Variants in FBXO34 observed in about 807,000 individuals in gnomAD.
The protein encoded by FBXO34 is F-box protein 34.
Under a neutral mutation model 24.5 loss-of-function variants are expected in FBXO34, and 12 were observed. The ratio of observed to expected loss-of-function variants is 0.49; its 90% confidence interval spans 0.31 to 0.79. The LOEUF is 0.79. Among genes scored for constraint, FBXO34 ranks in the 30% least tolerant of loss-of-function variants. FBXO34 has a pLI of 0.04. For missense variants in FBXO34, 823 were observed against 857.7 expected, an observed-to-expected ratio of 0.96 and a Z score of 0.51; for synonymous variants, 320 against 311.9, an observed-to-expected ratio of 1.03 and a Z score of -0.27.
downstream of FBXO34, among the ~76,000 whole-genome samples, chr14:55,362,556 T>C (rs966014849): frequency 2.6e-5 from 4 of 152,094 alleles, no homozygotes; most frequent in African/African-American, 9.7e-5. Flanking sequence ...AAAAAGAATG[T>C]AAAATGTCTC....
chr14:55,408,865 C>A, the FBXO34 span, among the ~76,000 whole-genome samples: 1 of 152,188 alleles, frequency 6.6e-6, no homozygotes, highest in Admixed American at 6.5e-5. Flanking sequence ...TTAAACTCAA[C>A]CTTAGAGTCT....
At chr14:55,298,986 A>G (rs1882244554) in intron 1 of FBXO34, 1 of 1,607,450 alleles carries the variant, frequency 6.2e-7, no homozygotes. Flanking sequence ...GGACATCGAT[A>G]AAGTTGATGA....
chr14:55,351,677 A>G lies in FBXO34; in HGVS notation c.1287A>G (p.Thr429=), dbSNP rs61753283. The change falls in exon 2 of 2, where the codon ACA becomes ACG. Residue 429 remains threonine (T), a synonymous_variant. Transcript: ENST00000313833. ...HTYSQASELP[T]DAVDCMSREL... ...ATTCCCAAGCCTCTGAATTGCCCACAGATGCTGTTGATTGTATGAGCAGAG... is the reference window on the plus strand; with the variant it reads ...ATTCCCAAGCCTCTGAATTGCCCACGGATGCTGTTGATTGTATGAGCAGAG... 1.7e-5 allele frequency: 28 copies of G among 1,614,074 alleles called. No individual in the cohort carries two copies. Among genetic ancestry groups the G allele is most frequent in the Admixed American group, 1.2e-4 (7 of 60,002 alleles).
intron 1 of FBXO34, among the ~76,000 whole-genome samples, chr14:55,305,173 G>A (rs773403380): frequency 3.1e-4 from 47 of 152,228 alleles, no homozygotes; most frequent in Non-Finnish European, 5.9e-4. Context: ...GACACTTCAG[G>A]AGGTCGAGGC....
At chr14:55,346,414 G>C (rs1410580519) in intron 1 of FBXO34, among the ~76,000 whole-genome samples, 1 of 152,222 alleles carries the variant, frequency 6.6e-6, no homozygotes, top group Non-Finnish European at 1.5e-5. Flanking sequence ...AGTGACTCAA[G>C]CTTCTGGCTT....
chr14:55,314,481 A>G (rs1022314477), intron 1 of FBXO34, among the ~76,000 whole-genome samples: 3 of 152,298 alleles, frequency 2.0e-5, no homozygotes, highest in East Asian at 1.9e-4. Context: ...TAGATTGGGT[A>G]TCACATAAAT....
chr14:55,298,026 T>C (rs1374303547), intron 1 of FBXO34, among the ~76,000 whole-genome samples: 1 of 152,184 alleles, frequency 6.6e-6, no homozygotes, highest in Non-Finnish European at 1.5e-5. Context: ...CTCAAAACAC[T>C]TTTTTTGATT....
At chr14:55,327,712 C>T (rs889103986) in intron 1 of FBXO34, among the ~76,000 whole-genome samples, 5 of 151,992 alleles carry the variant, frequency 3.3e-5, no homozygotes, top group African/African-American at 7.3e-5. Context: ...GTGGAGATTT[C>T]GAATAGACAG....
chr14:55,288,147 T>A (rs888246116), intron 1 of FBXO34, among the ~76,000 whole-genome samples: 1 of 152,250 alleles, frequency 6.6e-6, no homozygotes, highest in South Asian at 2.1e-4. Context: ...AAGAAGTTGC[T>A]TGTAATTGGT....
the FBXO34 span, among the ~76,000 whole-genome samples, chr14:55,410,105 C>T: frequency 2.4e-4 from 36 of 152,190 alleles, no homozygotes; most frequent in South Asian, 7.5e-3. Flanking sequence ...ACCAAAGGAA[C>T]AATGAGATTG....
At chr14:55,400,336 TA>T in the FBXO34 span, among the ~76,000 whole-genome samples, 2 of 152,226 alleles carry the variant, frequency 1.3e-5, no homozygotes, top group East Asian at 1.9e-4. Flanking sequence ...AAAGTGTGTG[TA>T]GGGGGATCCA....
At chr14:55,299,084 T>C in intron 1 of FBXO34, 1 of 1,441,736 alleles carries the variant, frequency 6.9e-7, no homozygotes, top group Non-Finnish European at 9.8e-7. Flanking sequence ...GAGAAAAGTC[T>C]GACGAGGATG....
intron 1 of FBXO34, among the ~76,000 whole-genome samples, chr14:55,327,908 G>GT (rs386381425): frequency 0.041 from 2,012 of 48,638 alleles, 512 homozygotes; most frequent in Non-Finnish European, 0.053. Flanking sequence ...GTTGTTGTTG[G>GT]TTTTTTTTTT....
intron 1 of FBXO34, among the ~76,000 whole-genome samples, chr14:55,332,115 T>C (rs1883615558): frequency 6.8e-6 from 1 of 147,706 alleles, no homozygotes; most frequent in African/African-American, 2.5e-5. Context: ...TATATATAAA[T>C]TTAATATATA....
intron 1 of FBXO34, among the ~76,000 whole-genome samples, chr14:55,316,378 G>GGAGTTCGA (rs1401097290): frequency 6.6e-6 from 1 of 151,706 alleles, no homozygotes; most frequent in Non-Finnish European, 1.5e-5. Flanking sequence ...CTTGAGCTCA[G>GGAGTTCGA]GAGTTCGAGA....
chr14:55,405,078 T>C, the FBXO34 span, among the ~76,000 whole-genome samples: 2 of 152,174 alleles, frequency 1.3e-5, no homozygotes, highest in Non-Finnish European at 2.9e-5. Flanking sequence ...ACAAACTCCA[T>C]GGGACAGGAA....
the FBXO34 span, among the ~76,000 whole-genome samples, chr14:55,406,983 A>G: frequency 6.8e-6 from 1 of 146,034 alleles, no homozygotes; most frequent in Non-Finnish European, 1.5e-5. Flanking sequence ...TTTTTTTGAG[A>G]TGGAGTCTAG....
chr14:55,293,499 T>A (rs1566543256), intron 1 of FBXO34, among the ~76,000 whole-genome samples: 1 of 152,186 alleles, frequency 6.6e-6, no homozygotes, highest in Non-Finnish European at 1.5e-5. Context: ...AAAGAAACTT[T>A]GTAAGGGCCT....
chr14:55,328,174 G>A (rs1316244543), intron 1 of FBXO34, among the ~76,000 whole-genome samples: 1 of 151,902 alleles, frequency 6.6e-6, no homozygotes, highest in Non-Finnish European at 1.5e-5. Flanking sequence ...GGCCAGGCTG[G>A]TCTCGAACTC....
Sources: allele counts gnomAD v4.1 joint callset (sites outside exome capture counted in the v4.1 genomes callset), GRCh38; gene constraint gnomAD v4.1.1; transcripts MANE v1.5; gene names NCBI Gene and HGNC (gene_info 2026-07-23, HGNC 2026-07-21).